Variants in SYNDIG1 observed in about 807,000 individuals in gnomAD.
SYNDIG1 encodes synapse differentiation inducing 1, also known as synapse differentiation-inducing gene protein 1.
In SYNDIG1, 9 loss-of-function variants were observed where a neutral mutation model predicts 19.4. The observed-to-expected ratio is 0.46, with a 90% confidence interval of 0.28 to 0.81. The LOEUF is 0.81. SYNDIG1 is among the 30% of genes least tolerant of loss of function. The pLI is 0.12. For synonymous variants in SYNDIG1, 141 were observed against 145.9 expected (o/e 0.97, Z 0.24); for missense variants, 311 against 343.3 (o/e 0.91, Z 0.74).
At chr20:24,626,555 G>T (rs1380517210) in intron 3 of SYNDIG1, among the ~76,000 whole-genome samples, 2 of 151,534 alleles carry the variant, frequency 1.3e-5, no homozygotes, top group East Asian at 3.9e-4. Flanking sequence ...TCCTAGGTGG[G>T]ATGGCGGCCG....
chr20:24,597,735 T>C (rs1350690557), intron 3 of SYNDIG1, among the ~76,000 whole-genome samples: 2 of 151,728 alleles, frequency 1.3e-5, no homozygotes, highest in Non-Finnish European at 2.9e-5. Context: ...GGAAAGGAGG[T>C]GTGGAAGGAG....
At chr20:24,607,472 C>T (rs2058774934) in intron 3 of SYNDIG1, among the ~76,000 whole-genome samples, 1 of 152,186 alleles carries the variant, frequency 6.6e-6, no homozygotes, top group South Asian at 2.1e-4. Context: ...TCCTCAATGC[C>T]TGATTCACCC....
rs2058960534 is a variant in SYNDIG1 at position 24,617,736 on chromosome 20, G to A, written c.618+32743G>A. ...TCCTGGCCAAGGAGAGCCCAGGGGA[G>A]GCTGAGGGAGAGCTCGGGAAGCTTA... On this transcript the variant is annotated intron_variant, in intron 3 of 3. Transcript: ENST00000376862. 2.6e-5 allele frequency among the ~76,000 whole-genome samples: 4 copies of A among 151,832 alleles called. 1 individual carries two copies. The South Asian group carries it at 8.3e-4, about 32-fold the overall frequency.
At chr20:24,584,089 C>T (rs1421920893) in intron 2 of SYNDIG1, among the ~76,000 whole-genome samples, 1 of 152,152 alleles carries the variant, frequency 6.6e-6, no homozygotes. Context: ...CACCCTGATT[C>T]CCTGCTCCCA....
At chr20:24,556,685 TG>T (rs1453119972) in intron 2 of SYNDIG1, among the ~76,000 whole-genome samples, 3 of 152,384 alleles carry the variant, frequency 2.0e-5, no homozygotes, top group African/African-American at 7.2e-5. Context: ...ACTGTTAGTC[TG>T]ATGGGCTTCC....
At chr20:24,599,171 G>T (rs2058641079) in intron 3 of SYNDIG1, among the ~76,000 whole-genome samples, 1 of 152,136 alleles carries the variant, frequency 6.6e-6, no homozygotes, top group South Asian at 2.1e-4. Flanking sequence ...ATTAAAAAGT[G>T]GGCAAAGGAT....
intron 3 of SYNDIG1, among the ~76,000 whole-genome samples, chr20:24,647,082 A>G (rs911553207): frequency 6.6e-6 from 1 of 152,236 alleles, no homozygotes; most frequent in Admixed American, 6.5e-5. Flanking sequence ...CGAGTTCAAT[A>G]CAAGAGAATT....
intron 1 of SYNDIG1, among the ~76,000 whole-genome samples, chr20:24,499,406 C>T (rs1324748329): frequency 1.3e-5 from 2 of 152,098 alleles, no homozygotes; most frequent in Non-Finnish European, 2.9e-5. Context: ...TTTATGTTCT[C>T]ATTCTCAGGC....
chr20:24,653,881 G>T (rs906658171), intron 3 of SYNDIG1, among the ~76,000 whole-genome samples: 1 of 152,144 alleles, frequency 6.6e-6, no homozygotes, highest in African/African-American at 2.4e-5. Flanking sequence ...ATCTCTTCCT[G>T]TAAGGACACC....
intron 1 of SYNDIG1, among the ~76,000 whole-genome samples, chr20:24,524,514 G>A (rs1191663674): frequency 6.6e-6 from 1 of 151,960 alleles, no homozygotes; most frequent in African/African-American, 2.4e-5. Flanking sequence ...GCGTGGTGGC[G>A]GGCGCCTGTA....
At chr20:24,474,588 A>C (rs2055562793) in intron 1 of SYNDIG1, among the ~76,000 whole-genome samples, 1 of 152,178 alleles carries the variant, frequency 6.6e-6, no homozygotes, top group Admixed American at 6.5e-5. Flanking sequence ...CAGTGTGAAA[A>C]ACTTTTTGCT....
At chr20:24,613,912 G>A (rs1284810967) in intron 3 of SYNDIG1, among the ~76,000 whole-genome samples, 1 of 152,234 alleles carries the variant, frequency 6.6e-6, no homozygotes, top group Non-Finnish European at 1.5e-5. Flanking sequence ...TGCCTCCCAG[G>A]TAGGGGAGAG....
At chr20:24,581,585 C>A (rs2058323760) in intron 2 of SYNDIG1, among the ~76,000 whole-genome samples, 1 of 152,046 alleles carries the variant, frequency 6.6e-6, no homozygotes, top group African/African-American at 2.4e-5. Context: ...TCTCTGACAC[C>A]CCCGAAGCCA....
At chr20:24,605,595 G>T (rs2058746553) in intron 3 of SYNDIG1, among the ~76,000 whole-genome samples, 1 of 152,242 alleles carries the variant, frequency 6.6e-6, no homozygotes, top group South Asian at 2.1e-4. Context: ...TTTTCCTCTG[G>T]AATCCATGCT....
intron 3 of SYNDIG1, among the ~76,000 whole-genome samples, chr20:24,593,389 A>G (rs2058543511): frequency 6.6e-6 from 1 of 152,160 alleles, no homozygotes; most frequent in African/African-American, 2.4e-5. Flanking sequence ...TTTTGTTTGT[A>G]GCTATGTAGT....
At chr20:24,559,430 A>G (rs2057892438) in intron 2 of SYNDIG1, among the ~76,000 whole-genome samples, 1 of 152,228 alleles carries the variant, frequency 6.6e-6, no homozygotes, top group South Asian at 2.1e-4. Flanking sequence ...GTGCACATGT[A>G]CTCCATAAAT....
chr20:24,539,196 C>A (rs2057419826), intron 1 of SYNDIG1, among the ~76,000 whole-genome samples: 1 of 152,040 alleles, frequency 6.6e-6, no homozygotes, highest in Non-Finnish European at 1.5e-5. Flanking sequence ...GAAGCTTTTG[C>A]CCTGTTTTCT....
Position 24,525,286 on chromosome 20 carries a change from C to CT in SYNDIG1, c.-78-17711dup, listed in dbSNP as rs11471122. Among the ~76,000 whole-genome samples the CT allele has an allele frequency of 4.3e-3, 461 of 106,458 alleles. 1 individual carries two copies. Among genetic ancestry groups the CT allele is most frequent in the South Asian group, 7.1e-3 (23 of 3,228 alleles). 69.8% of individuals were successfully genotyped at this position (106,458 alleles called of 152,430 possible). On this transcript the variant is annotated intron_variant, in intron 1 of 3. Coordinates refer to ENST00000376862, the MANE Select transcript of SYNDIG1 (RefSeq NM_024893.3). ...TGTTTTATACATACTTCTTCTTCTTCTTTTTTTTTTTTTTTTTTTTTTTGA... is the reference window on the plus strand; with the variant it reads ...TGTTTTATACATACTTCTTCTTCTTCTTTTTTTTTTTTTTTTTTTTTTTTGA...
At chr20:24,653,287 A>G (rs2059491674) in intron 3 of SYNDIG1, among the ~76,000 whole-genome samples, 1 of 152,136 alleles carries the variant, frequency 6.6e-6, no homozygotes, top group Non-Finnish European at 1.5e-5. Flanking sequence ...CCCCATGACA[A>G]CAGCAGCAGG....
Sources: allele counts gnomAD v4.1 joint callset (sites outside exome capture counted in the v4.1 genomes callset), GRCh38; gene constraint gnomAD v4.1.1; transcripts MANE v1.5; gene names NCBI Gene and HGNC (gene_info 2026-07-23, HGNC 2026-07-21).